Variants in MAST4 observed in about 807,000 individuals in gnomAD.
MAST4 encodes the protein microtubule associated serine/threonine kinase family member 4.
A neutral mutation model predicts 162.7 loss-of-function variants in MAST4; 89 were observed. That is an observed-to-expected ratio of 0.55 (90% CI 0.46 to 0.65). MAST4 has a LOEUF of 0.65. Among genes scored for constraint, MAST4 ranks in the 30% least tolerant of loss-of-function variants. The pLI is 0.00. For missense variants in MAST4, 3,153 were observed against 3,374.0 expected, an observed-to-expected ratio of 0.93 and a Z score of 1.62; for synonymous variants, 1,479 against 1,361.1, an observed-to-expected ratio of 1.09 and a Z score of -1.91.
At chr5:66,715,081 A>G (rs1750734437) in intron 1 of MAST4, among the ~76,000 whole-genome samples, 1 of 152,164 alleles carries the variant, frequency 6.6e-6, no homozygotes, top group Non-Finnish European at 1.5e-5. Context: ...TCAGATGTTC[A>G]GCTTCCCTAT....
intron 4 of MAST4, among the ~76,000 whole-genome samples, chr5:66,947,816 T>C (rs1744210342): frequency 6.6e-6 from 1 of 152,294 alleles, no homozygotes; most frequent in East Asian, 1.9e-4. Context: ...TAATTCTTAA[T>C]GTTGGGTCTC....
chr5:66,673,962 G>T (rs1016048928), intron 1 of MAST4, among the ~76,000 whole-genome samples: 1 of 152,134 alleles, frequency 6.6e-6, no homozygotes, highest in Non-Finnish European at 1.5e-5. Flanking sequence ...TTTAAAAACA[G>T]CATTATATAA....
At chr5:66,850,898 C>G (rs1243793089) in intron 3 of MAST4, among the ~76,000 whole-genome samples, 1 of 150,336 alleles carries the variant, frequency 6.7e-6, no homozygotes, top group African/African-American at 2.5e-5. Context: ...ATTGCACAAC[C>G]CTGACCCAAG....
At chr5:66,833,041 C>T (rs1757723613) in intron 3 of MAST4, among the ~76,000 whole-genome samples, 1 of 152,060 alleles carries the variant, frequency 6.6e-6, no homozygotes, top group African/African-American at 2.4e-5. Flanking sequence ...TTTCCTGATC[C>T]TTAGGGGATA....
At chr5:66,760,123 A>AT (rs869303995) in intron 2 of MAST4, among the ~76,000 whole-genome samples, 1 of 139,096 alleles carries the variant, frequency 7.2e-6, no homozygotes, top group African/African-American at 2.6e-5. Flanking sequence ...TTATTTATTT[A>AT]TTTTTTGAGA....
chr5:66,876,356 G>A (rs183592311), intron 3 of MAST4, among the ~76,000 whole-genome samples: 14 of 152,256 alleles, frequency 9.2e-5, no homozygotes, highest in African/African-American at 3.4e-4. Context: ...AACAATATGA[G>A]CTTAGGCCTG....
At chr5:66,855,397 T>C (rs1306273890) in intron 3 of MAST4, among the ~76,000 whole-genome samples, 1 of 152,192 alleles carries the variant, frequency 6.6e-6, no homozygotes, top group Admixed American at 6.5e-5. Flanking sequence ...TTACCCAGTC[T>C]TAGATACTTC....
At chr5:66,894,274 G>C (rs1762541733) in intron 3 of MAST4, among the ~76,000 whole-genome samples, 1 of 152,114 alleles carries the variant, frequency 6.6e-6, no homozygotes, top group Non-Finnish European at 1.5e-5. Context: ...TCTAGGGGTG[G>C]GGCTCAGGCG....
At chr5:67,124,626 A>G (rs976906053) in intron 14 of MAST4, among the ~76,000 whole-genome samples, 1 of 152,242 alleles carries the variant, frequency 6.6e-6, no homozygotes, top group African/African-American at 2.4e-5. Context: ...CTAATTAGGA[A>G]GCCTGTTTGA....
intron 1 of MAST4, among the ~76,000 whole-genome samples, chr5:66,686,880 A>T (rs1047727148): frequency 6.6e-6 from 1 of 152,220 alleles, no homozygotes; most frequent in Non-Finnish European, 1.5e-5. Context: ...TACAAAATTT[A>T]AAAATTAAGA....
Position 67,163,750 on chromosome 5 carries a change from T to G in MAST4, c.4571T>G (p.Val1524Gly), listed in dbSNP as rs768144532. Residue 1524 changes from valine to glycine, a missense_variant, in exon 29 of 29, where the codon GTG becomes GGG. Val to Gly is a moderately radical substitution (Grantham distance 109). Coordinates refer to ENST00000403625, the MANE Select transcript of MAST4 (RefSeq NM_001164664.2). This position sits in a 1 kb window ranked among gnomAD's most constrained non-coding sequence, Gnocchi z 7.0. The stretch of plus-strand genomic sequence containing the variant: ...CGGAAGGTGGGCCGCCAGGAGTCTG[T>G]GGACGACCTGGACCGCGACAAGCTG... ...VSRKVGRQES[V>G]DDLDRDKLKA... The G allele has an allele frequency of 6.2e-7, 1 of 1,609,512 alleles. No homozygotes were observed.
intron 2 of MAST4, among the ~76,000 whole-genome samples, chr5:66,768,896 A>T (rs964061023): frequency 2.6e-5 from 4 of 151,566 alleles, no homozygotes; most frequent in Non-Finnish European, 4.4e-5. Context: ...CATTTGCTTT[A>T]AAAAAAAGCA....
rs770880240 is a variant in MAST4, at chr5:67,165,919, C to T, written c.6740C>T (p.Pro2247Leu). The T allele has an allele frequency of 9.3e-6, 15 of 1,613,218 alleles. 1 individual carries two copies. In the South Asian group the frequency reaches 1.6e-4, roughly 18 times the overall value. Residue 2247 changes from proline (P) to leucine (L), a missense_variant, in exon 29 of 29, where the codon CCG becomes CTG. Physicochemically the swap from Pro to Leu is moderately conservative, Grantham distance 98 (BLOSUM62 -3). Transcript: ENST00000403625. ...REGKGHSKSGPDVFPATPGSQ... is the reference protein window; with the variant it reads ...REGKGHSKSGLDVFPATPGSQ... ...GGGAAGGGCCACAGTAAGAGTGGGC[C>T]GGATGTGTTTCCTGCTACCCCAGGC...
chr5:66,935,319 G>A (rs555058109), intron 4 of MAST4, among the ~76,000 whole-genome samples: 1 of 152,260 alleles, frequency 6.6e-6, no homozygotes, highest in African/African-American at 2.4e-5. Context: ...GATGTTTTTA[G>A]CGTAGAAGGT....
rs985523269 is a variant in MAST4, at chr5:66,884,502, A to G, written c.643-15449A>G. Reference sequence around the variant, plus strand: ...TGTACACCTGGAAAACATCTTCTCCACTGTTTCCTGAGAAGGACCCGGGAA... The same window carrying G: ...TGTACACCTGGAAAACATCTTCTCCGCTGTTTCCTGAGAAGGACCCGGGAA... On this transcript the variant is annotated intron_variant, in intron 3 of 28. Coordinates refer to ENST00000403625, the MANE Select transcript of MAST4 (RefSeq NM_001164664.2). Among the ~76,000 whole-genome samples, 57 of 152,282 alleles carry G rather than the reference A, an allele frequency of 3.7e-4. 1 individual carries two copies. Among genetic ancestry groups the G allele is most frequent in the Non-Finnish European group, 1.5e-5 (1 of 68,016 alleles).
chr5:66,789,796 G>C (rs781147707), intron 3 of MAST4: 4 of 516,492 alleles, frequency 7.7e-6, no homozygotes, highest in African/African-American at 7.7e-5. Flanking sequence ...ATGCAAATAC[G>C]CTTTTCATCA....
At chr5:67,094,637 A>G (rs986957237) in intron 6 of MAST4, among the ~76,000 whole-genome samples, 3 of 152,056 alleles carry the variant, frequency 2.0e-5, no homozygotes, top group Admixed American at 6.6e-5. Flanking sequence ...CTTGCGTTTA[A>G]AGTAATAGCT....
chr5:66,922,579 A>G (rs1361276177), intron 4 of MAST4, among the ~76,000 whole-genome samples: 1 of 152,194 alleles, frequency 6.6e-6, no homozygotes, highest in Admixed American at 6.5e-5. Context: ...AAAAATTGTA[A>G]TGAATGAAAT....
chr5:66,812,056 G>A (rs1756504813), intron 3 of MAST4, among the ~76,000 whole-genome samples: 1 of 152,128 alleles, frequency 6.6e-6, no homozygotes, highest in Non-Finnish European at 1.5e-5. Flanking sequence ...GTTTGGGTCG[G>A]GAGGGAGAGA....
Sources: allele counts gnomAD v4.1 joint callset (sites outside exome capture counted in the v4.1 genomes callset), GRCh38; gene constraint gnomAD v4.1.1; non-coding constraint Gnocchi (gnomAD v3.1); transcripts MANE v1.5; gene names NCBI Gene and HGNC (gene_info 2026-07-23, HGNC 2026-07-21).